ZDHHC8: variants seen among roughly 807,000 people sequenced by gnomAD.
ZDHHC8 encodes the protein palmitoyltransferase ZDHHC8.
In ZDHHC8, 24 loss-of-function variants were observed where a neutral mutation model predicts 61.2. That is an observed-to-expected ratio of 0.39 (90% confidence interval 0.28 to 0.55). The LOEUF is 0.55. Among genes scored for constraint, ZDHHC8 ranks in the 20% least tolerant of loss-of-function variants. The pLI is 0.60. For synonymous variants in ZDHHC8, 523 were observed against 492.5 expected (o/e 1.06, Z -0.82); for missense variants, 935 against 1,102.1 (o/e 0.85, Z 2.15).
In ZDHHC8 at chr22:20,143,031, C is replaced by T; in HGVS notation, c.1401C>T (p.Pro467=). The change falls in exon 10 of 11, where the codon CCC becomes CCT. Residue 467 remains proline, a synonymous_variant. Coordinates refer to ENST00000334554, the MANE Select transcript of ZDHHC8 (RefSeq NM_013373.4). ...PPTPHRSIFA[P]HALPNRNGSL... is the part of the protein sequence containing the mutation. ...CGCCCCACCGTAGCATTTTTGCCCC[C>T]CATGCACTGCCCAACCGCAACGGCA... is the stretch of plus-strand genomic sequence containing the variant. The T allele has an allele frequency of 6.2e-7, 1 of 1,612,534 alleles. No homozygotes were observed. Among genetic ancestry groups the T allele is most frequent in the East Asian group, 2.2e-5 (1 of 44,862 alleles).
rs374875529 is a variant in ZDHHC8, at chr22:20,142,894, G to C, written c.1264G>C (p.Ala422Pro). Residue 422 changes from alanine to proline, a missense_variant, in exon 10 of 11, where the codon GCC becomes CCC. Ala to Pro is a conservative substitution (Grantham distance 27). Coordinates refer to ENST00000334554, the MANE Select transcript of ZDHHC8 (RefSeq NM_013373.4). ...AAYPPSPPLSASDAFSGALRS... is the reference protein window; with the variant it reads ...AAYPPSPPLSPSDAFSGALRS... Reference sequence around the variant, plus strand: ...CTACCCGCCATCCCCACCGCTCAGCGCCTCTGATGCCTTCTCGGGCGCTTT... The same window carrying C: ...CTACCCGCCATCCCCACCGCTCAGCCCCTCTGATGCCTTCTCGGGCGCTTT... 1 of 1,611,022 alleles carries C rather than the reference G, an allele frequency of 6.2e-7. No homozygotes were observed. The highest frequency in any genetic ancestry group is 1.3e-5 in the African/African-American group (1 of 75,048).
intron 1 of ZDHHC8, among the ~76,000 whole-genome samples, chr22:20,134,935 G>A (rs183382793): frequency 1.6e-4 from 24 of 152,098 alleles, no homozygotes; most frequent in African/African-American, 4.6e-4. Context: ...GGATTTTGTT[G>A]TTGTTTGTTT....
At chr22:20,140,316 T>A in intron 5 of ZDHHC8, 99 bp downstream of exon 5, 1 of 1,246,878 alleles carries the variant, frequency 8.0e-7, no homozygotes, top group Non-Finnish European at 1.1e-6. Flanking sequence ...CTGAGGTAGC[T>A]TGTGCAGCTG....
In ZDHHC8 at chr22:20,135,458, T is replaced by G. The variant is rs190659322; in HGVS notation, c.104+3407T>G. On this transcript the variant is annotated intron_variant, in intron 1 of 10. Coordinates refer to ENST00000334554, the MANE Select transcript of ZDHHC8 (RefSeq NM_013373.4). Reference sequence around the variant, plus strand: ...CTGGGGCTGCCTGGCAGGCTGCCAGTGCCTGGGGCTGAGCCAGGCTGGCTT... The same window carrying G: ...CTGGGGCTGCCTGGCAGGCTGCCAGGGCCTGGGGCTGAGCCAGGCTGGCTT... Among the ~76,000 whole-genome samples the G allele has an allele frequency of 2.5e-3, 383 of 152,340 alleles. 5 individuals are homozygous for G. The highest frequency in any genetic ancestry group is 8.9e-3 in the African/African-American group (370 of 41,582).
rs2050447274 is a variant in ZDHHC8 at position 20,139,383 on chromosome 22, CT to C, written c.226+70del. On this transcript the variant is annotated intron_variant, in intron 2 of 10. Transcript: ENST00000334554. Reference sequence around the variant, plus strand: ...GTGTGAGTGGCTAACTTGAGACAGCCTTAGGGATTCCTGGTGGGTGGGCTGG... The same window carrying C: ...GTGTGAGTGGCTAACTTGAGACAGCCTAGGGATTCCTGGTGGGTGGGCTGG... The C allele has an allele frequency of 2.5e-6, 4 of 1,603,450 alleles. No homozygotes were observed. In the African/African-American group the frequency reaches 5.3e-5, roughly 21 times the overall value.
Position 20,147,205 on chromosome 22 carries a change from C to T in ZDHHC8, c.*1805C>T, listed in dbSNP as rs1318187152. ...CCGCCTGCACTTGGCTGCCTCCAGTCTTTTCCCCAGCCTCTCGGGGCCCTA... is the reference window on the plus strand; with the variant it reads ...CCGCCTGCACTTGGCTGCCTCCAGTTTTTTCCCCAGCCTCTCGGGGCCCTA... On this transcript the variant is annotated 3_prime_UTR_variant, in exon 11 of 11. Coordinates refer to ENST00000334554, the MANE Select transcript of ZDHHC8 (RefSeq NM_013373.4). The T allele has an allele frequency of 6.0e-6, 9 of 1,501,136 alleles. No individual in the cohort carries two copies. Among genetic ancestry groups the T allele is most frequent in the Non-Finnish European group, 8.0e-6 (9 of 1,122,378 alleles). 93.0% of individuals were successfully genotyped at this position (1,501,136 alleles called of 1,614,324 possible). A position where few individuals can be genotyped will look rare whatever the true frequency, so the allele number is the denominator to read the frequency against.
At chr22:20,141,102 G>A (rs2050465211) in intron 7 of ZDHHC8, 90 bp downstream of exon 7, 2 of 1,594,050 alleles carry the variant, frequency 1.3e-6, no homozygotes, top group Non-Finnish European at 1.7e-6. Flanking sequence ...AGGTGGATGG[G>A]GCAGACAGAG....
intron 7 of ZDHHC8, 95 bp from the exon 8 acceptor site, chr22:20,141,120 CAG>C: frequency 5.0e-6 from 8 of 1,587,632 alleles, no homozygotes; most frequent in Non-Finnish European, 6.0e-6. Flanking sequence ...GAGCCGTAGA[CAG>C]ATTCTTGGGA....
chr22:20,146,482 A>T lies in ZDHHC8; in HGVS notation c.*1082A>T. ...TTTGATTCTTTCCTTGGGCAAGGCC[A>T]GGGCTATTGCTGCAGGATCCCGAGT... On this transcript the variant is annotated 3_prime_UTR_variant, in exon 11 of 11. Coordinates refer to ENST00000334554, the MANE Select transcript of ZDHHC8 (RefSeq NM_013373.4). 1.0e-6 allele frequency: 1 copy of T among 987,058 alleles called. No homozygotes were observed. Among genetic ancestry groups the T allele is most frequent in the Non-Finnish European group, 1.2e-6 (1 of 831,156 alleles). 61.1% of individuals were successfully genotyped at this position (987,058 alleles called of 1,614,324 possible).
rs749864803 is a variant in ZDHHC8, at chr22:20,140,909, G to A, written c.791G>A (p.Ser264Asn). ...CCACCCCGGCTGCCGCTCGCGGTGAGTTTGAAGCCGCCTTTCCTTAGGCCT... is the reference window on the plus strand; with the variant it reads ...CCACCCCGGCTGCCGCTCGCGGTGAATTTGAAGCCGCCTTTCCTTAGGCCT... ...VEPPRLPLAV[S>N]LKPPFLRPEL... The change falls in exon 7 of 11, where the codon AGT (serine) becomes AAT (asparagine). Residue 264 changes from serine (S) to asparagine (N), a missense_variant. By Grantham distance (46) the Ser-to-Asn change is conservative (BLOSUM62 1). Around this residue, in one of 3 missense-constraint regions of ZDHHC8, gnomAD observed 692 missense variants for 731.4 expected, o/e 0.95. Transcript: ENST00000334554. 60 of 1,606,618 alleles carry A rather than the reference G, an allele frequency of 3.7e-5. No homozygotes were observed. In the South Asian group the frequency reaches 6.3e-4, roughly 17 times the overall value.
intron 1 of ZDHHC8, among the ~76,000 whole-genome samples, chr22:20,138,674 G>A (rs990428747): frequency 6.6e-6 from 1 of 152,190 alleles, no homozygotes; most frequent in African/African-American, 2.4e-5. Flanking sequence ...AGAAGGGGCT[G>A]TCTGGATGGG....
intron 10 of ZDHHC8, among the ~76,000 whole-genome samples, chr22:20,144,896 C>T (rs1008312318): frequency 6.6e-6 from 1 of 152,212 alleles, no homozygotes; most frequent in African/African-American, 2.4e-5. Flanking sequence ...CAGGGCACGG[C>T]AGGGGCTCCA....
In ZDHHC8 at chr22:20,147,704, GT is replaced by G. The variant is rs1206054287; in HGVS notation, c.*2305del. 1 of 153,904 alleles carries G rather than the reference GT, an allele frequency of 6.5e-6. No homozygotes were observed. The highest frequency in any genetic ancestry group is 2.4e-5 in the African/African-American group (1 of 41,532). 9.5% of individuals were successfully genotyped at this position (153,904 alleles called of 1,614,324 possible). A position where few individuals can be genotyped will look rare whatever the true frequency, so the allele number is the denominator to read the frequency against. ...CCATTGGCCTCTGCCTGCCACCAAG[GT>G]CCTGTGGTCTTGGCCAGCTCCGCCT... On this transcript the variant is annotated 3_prime_UTR_variant, in exon 11 of 11. Coordinates refer to ENST00000334554, the MANE Select transcript of ZDHHC8 (RefSeq NM_013373.4).
At chr22:20,135,578 A>T (rs2050412988) in intron 1 of ZDHHC8, among the ~76,000 whole-genome samples, 1 of 152,226 alleles carries the variant, frequency 6.6e-6, no homozygotes, top group Non-Finnish European at 1.5e-5. Context: ...CAGCAGTCAG[A>T]ACAGGCCCTG....
At chr22:20,140,772 AC>A in intron 6 of ZDHHC8, 64 bp downstream of exon 6, 1 of 1,594,662 alleles carries the variant, frequency 6.3e-7, no homozygotes, top group South Asian at 1.1e-5. Flanking sequence ...GCAGCCTTAG[AC>A]CCTCTTGGTC....
intron 1 of ZDHHC8, among the ~76,000 whole-genome samples, chr22:20,133,660 C>T (rs544441070): frequency 4.9e-5 from 7 of 143,786 alleles, no homozygotes; most frequent in Non-Finnish European, 1.0e-4. Context: ...ACCCGTAAGG[C>T]GGAGTGAGCC....
chr22:20,134,191 T>TG (rs898172458), intron 1 of ZDHHC8, among the ~76,000 whole-genome samples: 5 of 152,338 alleles, frequency 3.3e-5, no homozygotes, highest in Admixed American at 2.0e-4. Context: ...GTGGCCTGGG[T>TG]GCTCACCTGG....
At chr22:20,137,835 G>T (rs2050434398) in intron 1 of ZDHHC8, among the ~76,000 whole-genome samples, 1 of 152,200 alleles carries the variant, frequency 6.6e-6, no homozygotes, top group African/African-American at 2.4e-5. Context: ...GTGGAAGGAA[G>T]CCTGGGGGCT....
chr22:20,146,125 C>T lies in ZDHHC8; in HGVS notation c.*725C>T. On this transcript the variant is annotated 3_prime_UTR_variant, in exon 11 of 11. Transcript: ENST00000334554. The stretch of plus-strand genomic sequence containing the variant: ...AAAGCCTTAACCTTTGCTTTATGCT[C>T]TTGTGGGAGGCGACGGGGGGGCAGG... 1.0e-6 allele frequency: 1 copy of T among 985,762 alleles called. No homozygotes were observed. The highest frequency in any genetic ancestry group is 1.7e-5 in the African/African-American group (1 of 57,374). The allele number at this position is 985,762 out of a possible 1,614,324, so 61.1% of individuals were successfully genotyped here.
Sources: gnomAD v4.1 joint callset for allele counts (sites outside exome capture counted in the v4.1 genomes callset) on GRCh38, gnomAD v4.1.1 for gene constraint, gnomAD v4.1.1 regional missense constraint, MANE v1.5 for transcripts, NCBI Gene and HGNC (gene_info 2026-07-23, HGNC 2026-07-21) for gene names.